The following PBX4 variants were observed in gnomAD, a reference collection of about 807,000 sequenced individuals.
PBX4 encodes PBX homeobox 4, also known as pre-B-cell leukemia transcription factor 4.
A neutral mutation model predicts 35.1 loss-of-function variants in PBX4; 26 were observed. That is an observed-to-expected ratio of 0.74 (90% CI 0.54 to 1.03). The LOEUF (loss-of-function observed/expected upper bound fraction) is 1.03, where lower values mean the gene tolerates loss of function less well. Ranked by LOEUF, PBX4 falls within the 50% of genes least tolerant of loss-of-function variation. The probability of loss-of-function intolerance (pLI) is 0.00; values close to 1 mark genes in which losing one functional copy is unlikely to be tolerated. For missense variants in PBX4, 448 were observed against 504.3 expected (o/e 0.89, Z 1.07); for synonymous variants, 199 against 204.2 (o/e 0.97, Z 0.22).
intron 1 of PBX4, among the ~76,000 whole-genome samples, chr19:19,603,298 G>A (rs748027365): frequency 1.3e-5 from 2 of 151,694 alleles, no homozygotes; most frequent in Admixed American, 6.6e-5. Context: ...AGTCAAAGGG[G>A]TTTTTTTTCT....
chr19:19,563,731 C>T lies in PBX4; in HGVS notation c.926-116G>A, dbSNP rs926246629. On this transcript the variant is annotated intron_variant, in intron 6 of 7. Transcript: ENST00000251203. This position sits in a 1 kb window ranked among gnomAD's most constrained non-coding sequence, Gnocchi z 5.1. ...GTGGCTCCTGCCCCTCCTCAGCATC[C>T]GGCCTCTGCTCCTCAGCCCCCACCC... 1.3e-5 allele frequency: 11 copies of T among 858,302 alleles called. No individual in the cohort carries two copies. The highest frequency in any genetic ancestry group is 2.9e-5 in the South Asian group (2 of 69,538). 53.2% of individuals were successfully genotyped at this position (858,302 alleles called of 1,614,324 possible). A position where few individuals can be genotyped will look rare whatever the true frequency, so the allele number is the denominator to read the frequency against.
chr19:19,618,679 A>T lies in PBX4; in HGVS notation c.-50T>A. The T allele has an allele frequency of 8.5e-7, 1 of 1,180,780 alleles. No homozygotes were observed. Among genetic ancestry groups the T allele is most frequent in the Non-Finnish European group, 1.0e-6 (1 of 954,962 alleles). 73.1% of individuals were successfully genotyped at this position (1,180,780 alleles called of 1,614,324 possible). ...GTGAGGGTGCCGTCGAGCCTGGAGCACTACCACTGGCGCCGCAGCCAACCG... is the reference window on the plus strand; with the variant it reads ...GTGAGGGTGCCGTCGAGCCTGGAGCTCTACCACTGGCGCCGCAGCCAACCG... On this transcript the variant is annotated 5_prime_UTR_variant, in exon 1 of 8. Coordinates refer to ENST00000251203, the MANE Select transcript of PBX4 (RefSeq NM_025245.3).
chr19:19,566,850 C>T (rs1032469681), intron 5 of PBX4, among the ~76,000 whole-genome samples: 1 of 152,150 alleles, frequency 6.6e-6, no homozygotes, highest in African/African-American at 2.4e-5. Flanking sequence ...AGCGGGATTG[C>T]AGGCATGTGC....
rs1463926220 is a variant in PBX4 at position 19,589,844 on chromosome 19, G to T, written c.193+9448C>A. 1.4e-4 allele frequency among the ~76,000 whole-genome samples: 22 copies of T among 152,176 alleles called. 1 individual carries two copies. Among genetic ancestry groups the T allele is most frequent in the Admixed American group, 1.4e-3 (22 of 15,270 alleles). On this transcript the variant is annotated intron_variant, in intron 2 of 7. Transcript: ENST00000251203. ...CAGGGCAGAGATGAACCACAGATCT[G>T]CCTTGTGCTTTCTTGATGCTGGTCT...
chr19:19,603,875 T>C (rs2061612639), intron 1 of PBX4, among the ~76,000 whole-genome samples: 1 of 151,478 alleles, frequency 6.6e-6, no homozygotes, highest in Non-Finnish European at 1.5e-5. Context: ...GATAATTTAA[T>C]TGCTTGAACC....
intron 5 of PBX4, among the ~76,000 whole-genome samples, chr19:19,565,959 C>CTA (rs1568377164): frequency 1.3e-5 from 2 of 151,776 alleles, no homozygotes; most frequent in African/African-American, 4.8e-5. Context: ...GATAGGGTCT[C>CTA]GCTCTGTTGC....
chr19:19,592,429 A>G lies in PBX4; in HGVS notation c.193+6863T>C, dbSNP rs140437045. Among the ~76,000 whole-genome samples, 50 of 152,298 alleles carry G rather than the reference A, an allele frequency of 3.3e-4. No homozygotes were observed. In the East Asian group the frequency reaches 9.1e-3, roughly 28 times the overall value. On this transcript the variant is annotated intron_variant, in intron 2 of 7. Transcript: ENST00000251203. ...GTCCTTGGCCTTCAGAGACCACCGC[A>G]GGGCAGGAACACCCAGACACTGTGG...
chr19:19,564,814 G>A, intron 6 of PBX4, 119 bp downstream of exon 6: 1 of 1,259,550 alleles, frequency 7.9e-7, no homozygotes, highest in Non-Finnish European at 1.1e-6. Context: ...AGAAGAAAGA[G>A]TTACACAGAG....
intron 1 of PBX4, chr19:19,606,693 T>A (rs2144784385): frequency 6.6e-6 from 1 of 152,264 alleles, no homozygotes; most frequent in Non-Finnish European, 1.5e-5. Flanking sequence ...ATATGACACG[T>A]TATGGCTGGG....
chr19:19,590,496 T>G, intron 2 of PBX4, among the ~76,000 whole-genome samples: 2 of 148,178 alleles, frequency 1.3e-5, no homozygotes, highest in African/African-American at 5.0e-5. Context: ...TGAGAGAGAG[T>G]CTTGCTCTGT....
chr19:19,618,175 A>T (rs1453658227), intron 1 of PBX4, among the ~76,000 whole-genome samples: 1 of 151,856 alleles, frequency 6.6e-6, no homozygotes, highest in Non-Finnish European at 1.5e-5. Context: ...CAACAAAAAA[A>T]CTTCCAGCCG....
At chr19:19,585,805 C>T (rs192985716) in intron 2 of PBX4, among the ~76,000 whole-genome samples, 1 of 152,210 alleles carries the variant, frequency 6.6e-6, no homozygotes, top group East Asian at 1.9e-4. Flanking sequence ...GCCCAAAAAA[C>T]ACATTACTCC....
chr19:19,614,616 C>T (rs1039646583), intron 1 of PBX4, among the ~76,000 whole-genome samples: 1 of 150,802 alleles, frequency 6.6e-6, no homozygotes, highest in Admixed American at 6.7e-5. Context: ...AGCCTGATCG[C>T]GCCACTGCAC....
intron 4 of PBX4, 143 bp downstream of exon 4, chr19:19,569,966 G>A: frequency 1.5e-6 from 1 of 667,988 alleles, no homozygotes; most frequent in Non-Finnish European, 2.3e-6. Flanking sequence ...CAATACTTCA[G>A]GCCTTCTTCC....
At chr19:19,604,441 T>C (rs1440641147) in intron 1 of PBX4, among the ~76,000 whole-genome samples, 12 of 109,832 alleles carry the variant, frequency 1.1e-4, no homozygotes, top group Admixed American at 4.0e-4. Flanking sequence ...CACTCCCGTC[T>C]GGGCAACAGA....
rs761590331 is a variant in PBX4, at chr19:19,570,651, C to CA, written c.375dup (p.Asp126Ter). 1.9e-6 allele frequency: 3 copies of CA among 1,614,182 alleles called. No individual in the cohort carries two copies. Among genetic ancestry groups the CA allele is most frequent in the Admixed American group, 3.3e-5 (2 of 60,020 alleles). On this transcript the variant is annotated frameshift_variant, in exon 3 of 8. Transcript: ENST00000251203. LOFTEE classifies it high-confidence loss of function. The stretch of plus-strand genomic sequence containing the variant: ...ATCTGGGACAGCTTGGCCCTGTAGT[C>CA]AGAGTGCTCAATGCTATTGTCATTT...
At chr19:19,615,005 CA>C (rs200472992) in intron 1 of PBX4, among the ~76,000 whole-genome samples, 2,205 of 149,540 alleles carry the variant, frequency 0.015, 75 homozygotes, top group South Asian at 0.071. Context: ...ACTAAAAATA[CA>C]AAAAAAAATT....
At chr19:19,564,636 G>C (rs1454878134) in intron 6 of PBX4, 1 of 329,130 alleles carries the variant, frequency 3.0e-6, no homozygotes, top group African/African-American at 2.1e-5. Context: ...CCTGACCTCA[G>C]GTGATCCACT....
chr19:19,582,078 AGGCCCCCTACCTTT>A (rs2061457910), intron 2 of PBX4, among the ~76,000 whole-genome samples: 2 of 152,242 alleles, frequency 1.3e-5, no homozygotes, highest in Middle Eastern at 3.4e-3. Context: ...TGAGAACCCA[AGGCCCCCTACCTTT>A]GGGATCTGGC....
Sources: gnomAD v4.1 joint callset for allele counts (sites outside exome capture counted in the v4.1 genomes callset) on GRCh38, gnomAD v4.1.1 for gene constraint, Gnocchi (gnomAD v3.1) non-coding constraint, MANE v1.5 for transcripts, NCBI Gene and HGNC (gene_info 2026-07-23, HGNC 2026-07-21) for gene names.